Variants in TTLL9 observed in about 807,000 individuals in gnomAD.
TTLL9 encodes the protein probable tubulin polyglutamylase TTLL9.
Under a neutral mutation model 65.6 loss-of-function variants are expected in TTLL9, and 47 were observed. The observed-to-expected ratio is 0.72, with a 90% CI of 0.57 to 0.91. The LOEUF is 0.91. Among genes scored for constraint, TTLL9 ranks in the 40% least tolerant of loss-of-function variants. The pLI is 0.00. For missense variants in TTLL9, 537 were observed against 568.8 expected, an observed-to-expected ratio of 0.94 and a Z score of 0.57; for synonymous variants, 179 against 204.8, an observed-to-expected ratio of 0.87 and a Z score of 1.07.
intron 3 of TTLL9, among the ~76,000 whole-genome samples, chr20:31,889,966 A>ATCTC (rs200063582): frequency 1.8e-4 from 25 of 140,316 alleles, no homozygotes; most frequent in East Asian, 8.5e-4. Context: ...ATCAAGCCAC[A>ATCTC]TCTCTCTCTT....
At chr20:31,937,697 C>T (rs2064137118) in intron 13 of TTLL9, among the ~76,000 whole-genome samples, 188 bp downstream of exon 13, 2 of 152,110 alleles carry the variant, frequency 1.3e-5, no homozygotes, top group South Asian at 4.1e-4. Flanking sequence ...AAGGACTTGA[C>T]CTCTCCAGGG....
intron 2 of TTLL9, among the ~76,000 whole-genome samples, chr20:31,874,702 G>A (rs1173144127): frequency 1.3e-5 from 2 of 152,086 alleles, no homozygotes; most frequent in African/African-American, 2.4e-5. Context: ...GAGCCACCGC[G>A]CCCAGCCAGC....
Position 31,925,985 on chromosome 20 carries a change from C to T in TTLL9, c.706-64C>T, listed in dbSNP as rs375766722. 1.9e-4 allele frequency: 306 copies of T among 1,603,984 alleles called. 1 individual carries two copies. In the African/African-American group the frequency reaches 3.2e-3, roughly 17 times the overall value. On this transcript the variant is annotated intron_variant, in intron 9 of 14. Coordinates refer to ENST00000535842, the MANE Select transcript of TTLL9 (RefSeq NM_001008409.5). The stretch of plus-strand genomic sequence containing the variant: ...TGTATCCTGGGATCCTGGCTAACCA[C>T]CCCCGACACACCTACCCCTTCCCAC...
chr20:31,893,743 G>A (rs184233988), intron 3 of TTLL9, among the ~76,000 whole-genome samples: 1 of 151,144 alleles, frequency 6.6e-6, no homozygotes, highest in Non-Finnish European at 1.5e-5. Context: ...TTTACGTTGT[G>A]TCTGTCTTGC....
At position 31,890,067 on chromosome 20, in the gene TTLL9, TCTTGCTTTCTTG is replaced by T. The variant is rs776628725; in HGVS notation, c.113+2832_113+2843del. The stretch of plus-strand genomic sequence containing the variant: ...CCTTCTTTCTTTCTTTCTCTTTCTT[TCTTGCTTTCTTG>T]CTTTCTTGCTTTCTTTCCCTCCCTT... On this transcript the variant is annotated intron_variant, in intron 3 of 14. Transcript: ENST00000535842. Among the ~76,000 whole-genome samples, 299 of 122,848 alleles carry T rather than the reference TCTTGCTTTCTTG, an allele frequency of 2.4e-3. 11 individuals carry two copies. The highest frequency in any genetic ancestry group is 9.7e-3 in the African/African-American group (278 of 28,556). 80.6% of individuals were successfully genotyped at this position (122,848 alleles called of 152,430 possible). A position where few individuals can be genotyped will look rare whatever the true frequency, so the allele number is the denominator to read the frequency against.
intron 4 of TTLL9, chr20:31,901,364 A>T (rs2063477300): frequency 6.6e-6 from 1 of 152,108 alleles, no homozygotes; most frequent in African/African-American, 2.4e-5. Flanking sequence ...CAATGTGGGA[A>T]ACTCGATTGT....
rs771877359 is a variant in TTLL9 at position 31,937,378 on chromosome 20, ACTCCC to A, written c.1005-12_1005-8del. 6 of 1,602,062 alleles carry A rather than the reference ACTCCC, an allele frequency of 3.7e-6. 1 individual carries two copies. The Admixed American group carries it at 1.0e-4, about 27-fold the overall frequency. ...GGACCGAGTAACCCTAAGACTCTCT[ACTCCC>A]CTCCCTTCCCAGGTGGCTCCTGGAG... On this transcript the variant is annotated splice_polypyrimidine_tract_variant and intron_variant, in intron 12 of 14. Transcript: ENST00000535842.
At chr20:31,904,376 G>GTC (rs2063521126) in intron 4 of TTLL9, among the ~76,000 whole-genome samples, 1 of 18,170 alleles carries the variant, frequency 5.5e-5, no homozygotes, top group Admixed American at 5.2e-4. Flanking sequence ...TTTTTTTTTT[G>GTC]AGACAGGGTC....
At chr20:31,888,868 A>G (rs1489184741) in intron 3 of TTLL9, among the ~76,000 whole-genome samples, 1 of 152,028 alleles carries the variant, frequency 6.6e-6, no homozygotes, top group African/African-American at 2.4e-5. Context: ...GTGAAAACTC[A>G]CTTATCACCA....
At chr20:31,942,799 A>C (rs898732754) in intron 14 of TTLL9, 146 bp from the exon 15 acceptor site, 1 of 751,944 alleles carries the variant, frequency 1.3e-6, no homozygotes, top group African/African-American at 1.7e-5. Context: ...ATGGCAGTTT[A>C]GGAATGGAGC....
Position 31,909,767 on chromosome 20 carries a change from C to G in TTLL9, c.349C>G (p.Leu117Val), listed in dbSNP as rs1330635393. Reference protein sequence around the residue: ...LTRKNYMVKNLKRFRKQLERE... With the variant: ...LTRKNYMVKNVKRFRKQLERE... ...CCGGAAGAACTACATGGTGAAGAAC[C>G]TGAAGCGGTTCCGGAAGCAGCTGGA... Residue 117 changes from leucine (L) to valine (V), a missense_variant, in exon 6 of 15, where the codon CTG becomes GTG. Transcript: ENST00000535842. 6.2e-7 allele frequency: 1 copy of G among 1,614,132 alleles called. No homozygotes were observed. Among genetic ancestry groups the G allele is most frequent in the Admixed American group, 1.7e-5 (1 of 60,008 alleles).
At chr20:31,888,001 C>T (rs774974050) in intron 3 of TTLL9, among the ~76,000 whole-genome samples, 2 of 152,020 alleles carry the variant, frequency 1.3e-5, no homozygotes, top group Non-Finnish European at 2.9e-5. Context: ...TCTCCTGCCT[C>T]AGCCTCCCGA....
At chr20:31,891,356 G>C (rs766185272) in intron 3 of TTLL9, among the ~76,000 whole-genome samples, 1 of 152,052 alleles carries the variant, frequency 6.6e-6, no homozygotes, top group Non-Finnish European at 1.5e-5. Context: ...TGAATATTTG[G>C]TATTTGTCTG....
In TTLL9 at chr20:31,871,169, G is replaced by A; in HGVS notation, c.43G>A (p.Ala15Thr). ...AGCTCTGCTGGGACCAGGCACAACT[G>A]CCATTAGGTGCCCCAAGAAATTACA... is the stretch of plus-strand genomic sequence containing the variant. ...REALLGPGTT[A>T]IRCPKKLQNQ... The change falls in exon 2 of 15, where the codon GCC becomes ACC. Residue 15 changes from alanine to threonine, a missense_variant. Physicochemically the swap from Ala to Thr is moderately conservative, Grantham distance 58. Around this residue, in one of 3 missense-constraint regions of TTLL9, gnomAD observed 320 missense variants for 311.0 expected, o/e 1.03. Transcript: ENST00000535842. The A allele has an allele frequency of 1.2e-6, 2 of 1,614,154 alleles. No individual in the cohort carries two copies. The highest frequency in any genetic ancestry group is 1.6e-4 in the Middle Eastern group (1 of 6,062).
chr20:31,925,269 T>C (rs998322090), intron 9 of TTLL9, among the ~76,000 whole-genome samples: 1 of 152,232 alleles, frequency 6.6e-6, no homozygotes. Flanking sequence ...GCCCTCTCTC[T>C]GCCCTTCTTT....
intron 12 of TTLL9, among the ~76,000 whole-genome samples, chr20:31,935,767 C>G (rs916715013): frequency 2.6e-5 from 4 of 152,230 alleles, no homozygotes; most frequent in Admixed American, 1.3e-4. Context: ...GCCCTGGGGC[C>G]TGGGTAGTCA....
At chr20:31,937,372 C>G (rs2064129920) in intron 12 of TTLL9, 24 bp from the exon 13 acceptor site, 1 of 1,589,138 alleles carries the variant, frequency 6.3e-7, no homozygotes, top group African/African-American at 1.3e-5. Context: ...AACCCTAAGA[C>G]TCTCTACTCC....
Position 31,879,777 on chromosome 20 carries a change from A to G in TTLL9, c.70-7419A>G, listed in dbSNP as rs1448422165. The G allele has an allele frequency of 4.5e-6, 7 of 1,538,624 alleles. No homozygotes were observed. In the African/African-American group the frequency reaches 5.5e-5, roughly 12 times the overall value. ...CGAGAGCATGCCCTTGGCTCATCCA[A>G]TCAGAGCGGCGGATCCAGGCGCCTG... On this transcript the variant is annotated intron_variant, in intron 2 of 14. Transcript: ENST00000535842.
chr20:31,900,748 G>T (rs2063466140), intron 4 of TTLL9, among the ~76,000 whole-genome samples: 1 of 152,160 alleles, frequency 6.6e-6, no homozygotes, highest in East Asian at 1.9e-4. Flanking sequence ...GGGGGGAGTT[G>T]GGAGGAGAGT....
Sources: allele counts gnomAD v4.1 joint callset (sites outside exome capture counted in the v4.1 genomes callset), GRCh38; gene constraint gnomAD v4.1.1; regional missense constraint gnomAD v4.1.1; transcripts MANE v1.5; gene names NCBI Gene and HGNC (gene_info 2026-07-23, HGNC 2026-07-21).